The following PDPR variants were observed in gnomAD, a reference collection of about 807,000 sequenced individuals.
PDPR encodes pyruvate dehydrogenase phosphatase regulatory subunit, mitochondrial.
In PDPR, 50 loss-of-function variants were observed where a neutral mutation model predicts 102.2. The ratio of observed to expected loss-of-function variants is 0.49; its 90% CI spans 0.39 to 0.62. The LOEUF (loss-of-function observed/expected upper bound fraction) is 0.62, where lower values mean the gene tolerates loss of function less well. PDPR is among the 20% of genes least tolerant of loss of function. The pLI is 0.00. For missense variants in PDPR, 625 were observed against 1,098.2 expected, an observed-to-expected ratio of 0.57 and a Z score of 6.09; for synonymous variants, 259 against 406.0, an observed-to-expected ratio of 0.64 and a Z score of 4.35.
rs1967873751 is a variant in PDPR at position 70,162,384 on chromosome 16, G to T, written c.*5505G>T. 1 of 152,670 alleles carries T rather than the reference G, an allele frequency of 6.6e-6. No homozygotes were observed. 9.5% of individuals were successfully genotyped at this position (152,670 alleles called of 1,614,324 possible). A position where few individuals can be genotyped will look rare whatever the true frequency, so the allele number is the denominator to read the frequency against. Reference sequence around the variant, plus strand: ...AGTGGGATCTTTTCTAGAGATCCTGGGTGACTTTGGGTGCACAGGGTGACC... The same window carrying T: ...AGTGGGATCTTTTCTAGAGATCCTGTGTGACTTTGGGTGCACAGGGTGACC... On this transcript the variant is annotated 3_prime_UTR_variant, in exon 19 of 19. Transcript: ENST00000288050.
At chr16:70,125,899 G>T (rs1214022928) in intron 3 of PDPR, among the ~76,000 whole-genome samples, 1 of 152,266 alleles carries the variant, frequency 6.6e-6, no homozygotes, top group Non-Finnish European at 1.5e-5. Flanking sequence ...CTCCCAAAGT[G>T]CTGGGATTAT....
chr16:70,146,086 C>T (rs1333585732), intron 15 of PDPR, 48 bp from the exon 16 acceptor site: 5 of 1,604,286 alleles, frequency 3.1e-6, no homozygotes, highest in East Asian at 4.5e-5. Context: ...CCCATTGGCT[C>T]AGCTGTTCAG....
At chr16:70,120,934 T>C (rs1477480916) in intron 3 of PDPR, among the ~76,000 whole-genome samples, 3 of 23,082 alleles carry the variant, frequency 1.3e-4, no homozygotes, top group African/African-American at 2.6e-4. Flanking sequence ...CGTTTTCCTT[T>C]TTTTTTTTTT....
chr16:70,129,454 C>T (rs910224806), intron 6 of PDPR, among the ~76,000 whole-genome samples: 3 of 152,288 alleles, frequency 2.0e-5, no homozygotes, highest in African/African-American at 7.2e-5. Context: ...ATGTGATCCT[C>T]CTGCTTCAGC....
chr16:70,141,674 G>A (rs924169057), intron 11 of PDPR, among the ~76,000 whole-genome samples: 1 of 152,288 alleles, frequency 6.6e-6, no homozygotes, highest in East Asian at 1.9e-4. Context: ...GTGGAATGCT[G>A]AATGTGAATA....
chr16:70,134,400 G>T (rs1473420440), intron 9 of PDPR, among the ~76,000 whole-genome samples: 4 of 151,718 alleles, frequency 2.6e-5, no homozygotes, highest in Non-Finnish European at 5.9e-5. Context: ...CAGTTTTTGT[G>T]TTTTTAGTAG....
At position 70,153,383 on chromosome 16, in the gene PDPR, TC is replaced by T. The variant is rs1294605825; in HGVS notation, c.2053-6del. The T allele has an allele frequency of 3.7e-6, 6 of 1,609,450 alleles. No individual in the cohort carries two copies. The highest frequency in any genetic ancestry group is 4.2e-6 in the Non-Finnish European group (5 of 1,178,160). On this transcript the variant is annotated splice_region_variant and splice_polypyrimidine_tract_variant and intron_variant, in intron 17 of 18. Transcript: ENST00000288050. ...TGCTGCTTATGAACTTTCTGTCTCT[TC>T]CTATAGTACGCCCTGCATGTATACA...
chr16:70,121,135 T>A (rs1262909653), intron 3 of PDPR, among the ~76,000 whole-genome samples: 2 of 142,004 alleles, frequency 1.4e-5, no homozygotes, highest in Admixed American at 1.4e-4. Flanking sequence ...ATAATGTGGA[T>A]TGCATTTAAG....
At chr16:70,120,225 A>T (rs1208247041) in intron 2 of PDPR, 10 of 380,758 alleles carry the variant, frequency 2.6e-5, no homozygotes, top group South Asian at 7.0e-5. Context: ...TAAGTTTTTG[A>T]ATTTTTAGTA....
At chr16:70,163,098 G>T (rs1391525100), downstream of PDPR, among the ~76,000 whole-genome samples, 1 of 152,220 alleles carries the variant, frequency 6.6e-6, no homozygotes, top group Non-Finnish European at 1.5e-5. Flanking sequence ...ACAGGCACGC[G>T]CCACCATGCC....
chr16:70,162,710 C>T (rs1360545752), downstream of PDPR, among the ~76,000 whole-genome samples: 1 of 152,272 alleles, frequency 6.6e-6, no homozygotes, highest in Non-Finnish European at 1.5e-5. Flanking sequence ...CCCTGCAGCG[C>T]TGGAGTGGCT....
At chr16:70,124,681 G>A (rs1276209583) in intron 3 of PDPR, among the ~76,000 whole-genome samples, 5 of 152,246 alleles carry the variant, frequency 3.3e-5, no homozygotes, top group African/African-American at 7.2e-5. Context: ...CAGCAGAGAC[G>A]TCACCAGAGC....
intron 17 of PDPR, among the ~76,000 whole-genome samples, chr16:70,149,670 T>C (rs549837951): frequency 1.3e-5 from 2 of 152,406 alleles, no homozygotes; most frequent in African/African-American, 4.8e-5. Flanking sequence ...TAGCATTCCA[T>C]TGTGGTACAT....
chr16:70,151,145 A>AG (rs2152117521), intron 17 of PDPR, among the ~76,000 whole-genome samples: 1 of 152,378 alleles, frequency 6.6e-6, no homozygotes, highest in South Asian at 2.1e-4. Flanking sequence ...CGTGTTGGCC[A>AG]GGATGGTCTC....
chr16:70,128,378 C>G (rs538678040), intron 4 of PDPR, among the ~76,000 whole-genome samples: 1 of 152,244 alleles, frequency 6.6e-6, no homozygotes, highest in Admixed American at 6.5e-5. Flanking sequence ...CAGGCGTGCA[C>G]CACCACACCT....
In PDPR at chr16:70,142,147, A is replaced by G. The variant is rs1965781233; in HGVS notation, c.1316-87A>G. On this transcript the variant is annotated intron_variant, in intron 11 of 18. Transcript: ENST00000288050. ...TAGCCTGGAAAGCTCTTTTGAATAG[A>G]AACAACTCCAGAGTCTAGTGGACAT... 2.8e-6 allele frequency: 4 copies of G among 1,453,156 alleles called. No individual in the cohort carries two copies. In the South Asian group the frequency reaches 3.9e-5, roughly 14 times the overall value. The allele number at this position is 1,453,156 out of a possible 1,614,324, so 90.0% of individuals were successfully genotyped here.
In PDPR at chr16:70,130,559, A is replaced by G. The variant is rs762737062; in HGVS notation, c.729+15A>G. The G allele has an allele frequency of 1.4e-5, 22 of 1,613,680 alleles. No homozygotes were observed. Among genetic ancestry groups the G allele is most frequent in the Non-Finnish European group, 1.9e-5 (22 of 1,179,808 alleles). ...GTGCTGGCCAGGTAGGTCAGCACCA[A>G]CACTGCTGTTCTTATTTAACGTTTG... On this transcript the variant is annotated intron_variant, in intron 7 of 18. Coordinates refer to ENST00000288050, the MANE Select transcript of PDPR (RefSeq NM_017990.5).
At chr16:70,147,515 T>C (rs1567554942) in intron 16 of PDPR, 1 of 411,476 alleles carries the variant, frequency 2.4e-6, no homozygotes, top group Non-Finnish European at 4.8e-6. Flanking sequence ...TCTCTGAACT[T>C]CCTACATAAT....
At chr16:70,151,865 C>T (rs572462457) in intron 17 of PDPR, among the ~76,000 whole-genome samples, 22 of 152,378 alleles carry the variant, frequency 1.4e-4, no homozygotes, top group African/African-American at 5.3e-4. Context: ...TTTGTTCACA[C>T]TAAATCTCTG....
Sources: allele counts gnomAD v4.1 joint callset (sites outside exome capture counted in the v4.1 genomes callset), GRCh38; gene constraint gnomAD v4.1.1; transcripts MANE v1.5; gene names NCBI Gene and HGNC (gene_info 2026-07-23, HGNC 2026-07-21).